The following ANAPC4 variants were observed in gnomAD, a reference collection of about 807,000 sequenced individuals.
ANAPC4 encodes the protein anaphase promoting complex subunit 4.
Under a neutral mutation model 119.8 loss-of-function variants are expected in ANAPC4, and 63 were observed. The ratio of observed to expected loss-of-function variants is 0.53; its 90% confidence interval spans 0.43 to 0.65. The LOEUF (loss-of-function observed/expected upper bound fraction) is 0.65, where lower values mean the gene tolerates loss of function less well. Ranked by LOEUF, ANAPC4 falls within the 30% of genes least tolerant of loss-of-function variation. The probability of loss-of-function intolerance (pLI) is 0.00; values close to 1 mark genes in which losing one functional copy is unlikely to be tolerated. For missense variants in ANAPC4, 716 were observed against 945.1 expected, an observed-to-expected ratio of 0.76 and a Z score of 3.18; for synonymous variants, 283 against 318.6, an observed-to-expected ratio of 0.89 and a Z score of 1.19.
At chr4:25,407,143 A>G in intron 19 of ANAPC4, 54 bp from the exon 20 acceptor site, 1 of 1,460,696 alleles carries the variant, frequency 6.8e-7, no homozygotes, top group Non-Finnish European at 9.4e-7. Context: ...TAAATTTAAG[A>G]TATTTTTCTT....
chr4:25,395,028 C>G (rs755964781), intron 14 of ANAPC4, 123 bp downstream of exon 14: 3 of 701,714 alleles, frequency 4.3e-6, no homozygotes, highest in Non-Finnish European at 7.1e-6. Context: ...AAAATTGTTG[C>G]ATGGCATTTG....
chr4:25,418,043 GGAATATAAC>G, intron 28 of ANAPC4, 103 bp from the exon 29 acceptor site: 1 of 1,041,840 alleles, frequency 9.6e-7, no homozygotes, highest in Non-Finnish European at 1.4e-6. Context: ...TAAATTGATG[GGAATATAAC>G]TTTCCTATAA....
In ANAPC4 at chr4:25,396,751, T is replaced by A; in HGVS notation, c.1149T>A (p.Ala383=). 1 of 1,613,376 alleles carries A rather than the reference T, an allele frequency of 6.2e-7. No individual in the cohort carries two copies. Among genetic ancestry groups the A allele is most frequent in the Non-Finnish European group, 8.5e-7 (1 of 1,179,752 alleles). Residue 383 remains alanine (A), a synonymous_variant, in exon 15 of 29, where the codon GCT becomes GCA. Transcript: ENST00000315368. ...KQKYEPLGLD[A]AGIEEAITAV... is the part of the protein sequence containing the mutation. ...AATATGAACCTCTTGGACTAGATGCTGCAGGAATCGAAGGTAGTGATTTAA... is the reference window on the plus strand; with the variant it reads ...AATATGAACCTCTTGGACTAGATGCAGCAGGAATCGAAGGTAGTGATTTAA...
intron 3 of ANAPC4, 89 bp downstream of exon 3, chr4:25,380,568 A>C: frequency 1.1e-6 from 1 of 878,564 alleles, no homozygotes. Flanking sequence ...TATTGTTCTT[A>C]GTATACATAA....
intron 26 of ANAPC4, chr4:25,415,842 T>C (rs1020114247): frequency 1.2e-5 from 3 of 257,274 alleles, no homozygotes; most frequent in Non-Finnish European, 2.2e-5. Flanking sequence ...GCTGAAGTTC[T>C]TGTTACGACC....
intron 27 of ANAPC4, chr4:25,416,913 T>A (rs1231997217): frequency 5.7e-6 from 1 of 176,398 alleles, no homozygotes; most frequent in Non-Finnish European, 1.2e-5. Context: ...TTGGAATTAG[T>A]TATTTTTGAT....
intron 21 of ANAPC4, among the ~76,000 whole-genome samples, chr4:25,410,708 G>T (rs898787038): frequency 6.6e-6 from 1 of 152,172 alleles, no homozygotes; most frequent in Non-Finnish European, 1.5e-5. Flanking sequence ...GCACCGACAT[G>T]ACACCACTAG....
intron 16 of ANAPC4, among the ~76,000 whole-genome samples, chr4:25,401,846 A>G (rs1227867478): frequency 6.6e-6 from 1 of 152,240 alleles, no homozygotes; most frequent in African/African-American, 2.4e-5. Flanking sequence ...AGACAAAAAA[A>G]ACACGAAGAG....
rs535939523 is a variant in ANAPC4 at position 25,418,442 on chromosome 4, G to A, written c.*60G>A. The A allele has an allele frequency of 6.9e-7, 1 of 1,440,860 alleles. No homozygotes were observed. The highest frequency in any genetic ancestry group is 2.3e-5 in the East Asian group (1 of 43,662). The allele number at this position is 1,440,860 out of a possible 1,614,324, so 89.3% of individuals were successfully genotyped here. A position where few individuals can be genotyped will look rare whatever the true frequency, so the allele number is the denominator to read the frequency against. Reference sequence around the variant, plus strand: ...CAAAAGGACATAGGAGATGGACTAAGATGTCTTGGACCACCTTTGTGTAAC... The same window carrying A: ...CAAAAGGACATAGGAGATGGACTAAAATGTCTTGGACCACCTTTGTGTAAC... On this transcript the variant is annotated 3_prime_UTR_variant, in exon 29 of 29. Transcript: ENST00000315368.
chr4:25,392,051 T>A (rs565416943), intron 9 of ANAPC4, among the ~76,000 whole-genome samples: 37 of 152,376 alleles, frequency 2.4e-4, no homozygotes, highest in East Asian at 1.3e-3. Context: ...AGTTTTTACA[T>A]ATATTTGTGA....
chr4:25,378,657 G>C (rs1028842781), intron 2 of ANAPC4, among the ~76,000 whole-genome samples: 1 of 152,202 alleles, frequency 6.6e-6, no homozygotes, highest in African/African-American at 2.4e-5. Context: ...GGTGAAGATG[G>C]AGAAGAATAT....
intron 19 of ANAPC4, 109 bp from the exon 20 acceptor site, chr4:25,407,088 A>G (rs1047702719): frequency 1.0e-6 from 1 of 981,980 alleles, no homozygotes; most frequent in East Asian, 2.6e-5. Flanking sequence ...AAAAGAAAAT[A>G]ATAACTGCCA....
rs1425886748 is a variant in ANAPC4 at position 25,408,292 on chromosome 4, T to A, written c.1431+1039T>A. On this transcript the variant is annotated intron_variant, in intron 20 of 28. Coordinates refer to ENST00000315368, the MANE Select transcript of ANAPC4 (RefSeq NM_013367.3). Reference sequence around the variant, plus strand: ...TAAAATTGCATCAGTGAACGTTTTTTACATTAAAATTCATTCATCTTCTTG... The same window carrying A: ...TAAAATTGCATCAGTGAACGTTTTTAACATTAAAATTCATTCATCTTCTTG... 2.6e-5 allele frequency among the ~76,000 whole-genome samples: 4 copies of A among 152,222 alleles called. No homozygotes were observed. In the East Asian group the frequency reaches 7.7e-4, roughly 29 times the overall value.
At chr4:25,393,115 CCA>C (rs951874713) in intron 10 of ANAPC4, among the ~76,000 whole-genome samples, 7 of 152,138 alleles carry the variant, frequency 4.6e-5, no homozygotes, top group African/African-American at 1.7e-4. Context: ...TTTCATTCTA[CCA>C]CAGTCATTAA....
chr4:25,381,034 A>G (rs895116297), intron 3 of ANAPC4, among the ~76,000 whole-genome samples: 6 of 152,110 alleles, frequency 3.9e-5, no homozygotes, highest in African/African-American at 1.4e-4. Flanking sequence ...CTCCTTTTCC[A>G]TGTAATGTTT....
Position 25,405,540 on chromosome 4 carries a change from T to A in ANAPC4, c.1271-33T>A. 1 of 1,600,452 alleles carries A rather than the reference T, an allele frequency of 6.2e-7. No individual in the cohort carries two copies. Among genetic ancestry groups the A allele is most frequent in the Non-Finnish European group, 8.6e-7 (1 of 1,168,184 alleles). On this transcript the variant is annotated intron_variant, in intron 17 of 28. Coordinates refer to ENST00000315368, the MANE Select transcript of ANAPC4 (RefSeq NM_013367.3). This position sits in a 1 kb window ranked among gnomAD's most constrained non-coding sequence, Gnocchi z 4.6. ...ATTAAAATTATGTTTGTAGTTTGCT[T>A]TTAAAGATAGTTTTTTAACTTTGTA... is the stretch of plus-strand genomic sequence containing the variant.
intron 11 of ANAPC4, 23 bp from the exon 12 acceptor site, chr4:25,394,287 A>G: frequency 6.5e-7 from 1 of 1,545,298 alleles, no homozygotes; most frequent in Non-Finnish European, 8.7e-7. Flanking sequence ...ATATATCACA[A>G]TTTTTTTTTC....
chr4:25,405,715 ACAGGATGT>A lies in ANAPC4; in HGVS notation c.1317+105_1317+112del. ...GGTACTCTTATTCAGTTATTAGTTA[ACAGGATGT>A]CAGGATGTAGACGTTAGATCCCTTA... is the stretch of plus-strand genomic sequence containing the variant. On this transcript the variant is annotated intron_variant, in intron 18 of 28. Coordinates refer to ENST00000315368, the MANE Select transcript of ANAPC4 (RefSeq NM_013367.3). The surrounding 1 kb of genome is among the most constrained non-coding windows in gnomAD (Gnocchi z 4.6). 8.3e-7 allele frequency: 1 copy of A among 1,207,298 alleles called. No homozygotes were observed. The highest frequency in any genetic ancestry group is 1.8e-5 in the Admixed American group (1 of 54,388). 74.8% of individuals were successfully genotyped at this position (1,207,298 alleles called of 1,614,324 possible).
At chr4:25,386,881 CATACTCCAAAAATAGTT>C (rs1275148274) in intron 4 of ANAPC4, among the ~76,000 whole-genome samples, 1 of 152,162 alleles carries the variant, frequency 6.6e-6, no homozygotes, top group Non-Finnish European at 1.5e-5. Flanking sequence ...CTAGTCATTT[CATACTCCAAAAATAGTT>C]ACTGAGGCAC....
Sources: allele counts gnomAD v4.1 joint callset (sites outside exome capture counted in the v4.1 genomes callset), GRCh38; gene constraint gnomAD v4.1.1; non-coding constraint Gnocchi (gnomAD v3.1); transcripts MANE v1.5; gene names NCBI Gene and HGNC (gene_info 2026-07-23, HGNC 2026-07-21).